Variants in STK32B observed in about 807,000 individuals in gnomAD.
The protein encoded by STK32B is serine/threonine kinase 32B.
Under a neutral mutation model 52.6 loss-of-function variants are expected in STK32B, and 43 were observed. The ratio of observed to expected loss-of-function variants is 0.82; its 90% CI spans 0.64 to 1.05. STK32B has a LOEUF of 1.05. Among genes scored for constraint, STK32B ranks in the 50% least tolerant of loss-of-function variants. The probability of loss-of-function intolerance (pLI) is 0.00; values close to 1 mark genes in which losing one functional copy is unlikely to be tolerated. For synonymous variants in STK32B, 238 were observed against 204.3 expected (o/e 1.17, Z -1.41); for missense variants, 621 against 534.6 (o/e 1.16, Z -1.59).
At chr4:5,250,307 G>GTTTTT (rs1725822928) in intron 3 of STK32B, among the ~76,000 whole-genome samples, 1 of 135,952 alleles carries the variant, frequency 7.4e-6, no homozygotes, top group African/African-American at 2.8e-5. Context: ...TCTGTTTTAA[G>GTTTTT]TTCTTTTTTT....
chr4:5,208,628 AC>A (rs1243283223), intron 3 of STK32B, among the ~76,000 whole-genome samples: 2 of 152,048 alleles, frequency 1.3e-5, no homozygotes, highest in Non-Finnish European at 2.9e-5. Context: ...TCTGTATGGT[AC>A]CCCAAGGACT....
chr4:5,092,058 A>G (rs942219165), intron 1 of STK32B, among the ~76,000 whole-genome samples: 1 of 152,216 alleles, frequency 6.6e-6, no homozygotes, highest in Admixed American at 6.5e-5. Context: ...ATTGAGAGTG[A>G]CTGCTAACAG....
chr4:5,451,166 C>G (rs1408876581), intron 7 of STK32B, among the ~76,000 whole-genome samples: 1 of 152,182 alleles, frequency 6.6e-6, no homozygotes, highest in Non-Finnish European at 1.5e-5. Flanking sequence ...AATACACACA[C>G]AACGATGATT....
chr4:5,454,793 G>A (rs1478904386), intron 7 of STK32B, among the ~76,000 whole-genome samples: 2 of 152,138 alleles, frequency 1.3e-5, no homozygotes, highest in Non-Finnish European at 2.9e-5. Context: ...GGCATTTTCA[G>A]TTAAGATCGG....
intron 3 of STK32B, among the ~76,000 whole-genome samples, chr4:5,295,394 A>C (rs957911394): frequency 1.3e-5 from 2 of 152,078 alleles, no homozygotes; most frequent in Non-Finnish European, 2.9e-5. Flanking sequence ...CTGTGAATCT[A>C]TATGGTCCTG....
At chr4:5,162,930 C>T (rs192574769) in intron 2 of STK32B, among the ~76,000 whole-genome samples, 1 of 152,290 alleles carries the variant, frequency 6.6e-6, no homozygotes, top group Admixed American at 6.5e-5. Context: ...TTCAGCAGAT[C>T]CCTCAATCAC....
chr4:5,342,313 A>G (rs1350850424), intron 4 of STK32B, among the ~76,000 whole-genome samples: 2 of 152,220 alleles, frequency 1.3e-5, no homozygotes, highest in African/African-American at 4.8e-5. Context: ...ATATCCATCA[A>G]TGGTAGACTG....
intron 11 of STK32B, among the ~76,000 whole-genome samples, chr4:5,475,560 G>C (rs1241719671): frequency 1.3e-5 from 2 of 150,562 alleles, no homozygotes; most frequent in Non-Finnish European, 3.0e-5. Context: ...TTAGGCAAGC[G>C]TGGTGGTGCA....
Position 5,318,005 on chromosome 4 carries a change from A to T in STK32B, c.261-13215A>T, listed in dbSNP as rs1455236598. ...TGAGGCCAGCAATCTGTGTTTTCAC[A>T]AGGTCCCCAGATCCTTCTGAATGCC... On this transcript the variant is annotated intron_variant, in intron 3 of 11. Transcript: ENST00000282908. Among the ~76,000 whole-genome samples the T allele has an allele frequency of 4.6e-5, 7 of 152,270 alleles. No individual in the cohort carries two copies. The East Asian group carries it at 1.2e-3, about 25-fold the overall frequency.
At position 5,322,858 on chromosome 4, in the gene STK32B, C is replaced by G. The variant is rs145845099; in HGVS notation, c.261-8362C>G. Among the ~76,000 whole-genome samples, 9 of 152,316 alleles carry G rather than the reference C, an allele frequency of 5.9e-5. No individual in the cohort carries two copies. The East Asian group carries it at 1.2e-3, about 20-fold the overall frequency. The stretch of plus-strand genomic sequence containing the variant: ...TCCCCCAGCAACAGGCACTGCCTCC[C>G]TCATATGTGTTCACGTGTATTTCAT... On this transcript the variant is annotated intron_variant, in intron 3 of 11. Coordinates refer to ENST00000282908, the MANE Select transcript of STK32B (RefSeq NM_018401.3).
chr4:5,283,986 A>G (rs6811727), intron 3 of STK32B, among the ~76,000 whole-genome samples: 19,189 of 152,182 alleles, frequency 0.13, 3,358 homozygotes, highest in African/African-American at 0.4. Flanking sequence ...GTGGTGTGTA[A>G]AGCAATTTTA....
intron 1 of STK32B, among the ~76,000 whole-genome samples, chr4:5,076,380 A>G (rs1414663065): frequency 1.3e-5 from 2 of 152,138 alleles, no homozygotes; most frequent in Non-Finnish European, 2.9e-5. Context: ...GCTTATTCCT[A>G]GTTCCTCTTT....
intron 3 of STK32B, among the ~76,000 whole-genome samples, chr4:5,274,833 G>A (rs867244175): frequency 4.6e-5 from 7 of 152,108 alleles, no homozygotes; most frequent in Non-Finnish European, 8.8e-5. Flanking sequence ...CAGACCCGCC[G>A]CTGACTTTCA....
chr4:5,461,284 C>G (rs1459583211), intron 9 of STK32B, among the ~76,000 whole-genome samples: 2 of 152,124 alleles, frequency 1.3e-5, no homozygotes, highest in Non-Finnish European at 2.9e-5. Context: ...CTGTTCCAGC[C>G]CCGTATTATG....
chr4:5,474,521 T>C (rs1283056683), intron 11 of STK32B, among the ~76,000 whole-genome samples: 1 of 152,248 alleles, frequency 6.6e-6, no homozygotes, highest in African/African-American at 2.4e-5. Flanking sequence ...GTCCTTGTAT[T>C]AATCTGCAAA....
intron 3 of STK32B, among the ~76,000 whole-genome samples, chr4:5,187,249 G>A (rs1013303554): frequency 1.3e-5 from 2 of 152,178 alleles, no homozygotes; most frequent in African/African-American, 4.8e-5. Context: ...TCTTGTGCCC[G>A]TTTTCCTGAC....
intron 3 of STK32B, among the ~76,000 whole-genome samples, chr4:5,320,524 T>A (rs1382648213): frequency 6.6e-6 from 1 of 152,186 alleles, no homozygotes; most frequent in Non-Finnish European, 1.5e-5. Flanking sequence ...GCCTTGAAAC[T>A]CAATATAACA....
At chr4:5,248,058 G>C (rs1174345666) in intron 3 of STK32B, among the ~76,000 whole-genome samples, 1 of 152,168 alleles carries the variant, frequency 6.6e-6, no homozygotes, top group African/African-American at 2.4e-5. Context: ...AGCTACAGGT[G>C]TGTTTATTTC....
At chr4:5,143,101 C>CTCAGTCTGTCTG (rs1553835240) in intron 2 of STK32B, among the ~76,000 whole-genome samples, 3 of 135,568 alleles carry the variant, frequency 2.2e-5, no homozygotes, top group Non-Finnish European at 3.2e-5. Context: ...CTGTCTCTGT[C>CTCAGTCTGTCTG]TCTGTCTGTC....
Sources: gnomAD v4.1 joint callset for allele counts (sites outside exome capture counted in the v4.1 genomes callset) on GRCh38, gnomAD v4.1.1 for gene constraint, MANE v1.5 for transcripts, NCBI Gene and HGNC (gene_info 2026-07-23, HGNC 2026-07-21) for gene names.